NPHP4: variants seen among roughly 807,000 people sequenced by gnomAD.
NPHP4 encodes the protein nephrocystin-4.
In NPHP4, 151 loss-of-function variants were observed where a neutral mutation model predicts 155.8. The ratio of observed to expected loss-of-function variants is 0.97; its 90% CI spans 0.85 to 1.11. The LOEUF (loss-of-function observed/expected upper bound fraction) is 1.11. NPHP4 is among the 50% of genes least tolerant of loss of function. The pLI, the probability that NPHP4 is intolerant of heterozygous loss-of-function variation, is 0.00. For synonymous variants in NPHP4, 845 were observed against 816.8 expected (o/e 1.03, Z -0.59); for missense variants, 1,956 against 1,925.7 (o/e 1.02, Z -0.29).
chr1:5,884,253 C>T (rs1302457296), intron 18 of NPHP4, among the ~76,000 whole-genome samples: 11 of 152,160 alleles, frequency 7.2e-5, no homozygotes, highest in Admixed American at 7.2e-4. Flanking sequence ...TGGACCAAAG[C>T]CCGCCACCGC....
intron 11 of NPHP4, among the ~76,000 whole-genome samples, chr1:5,925,173 T>G (rs1008147932): frequency 1.3e-5 from 2 of 152,190 alleles, no homozygotes; most frequent in Non-Finnish European, 2.9e-5. Flanking sequence ...TCAACCAGCC[T>G]TGGATTGAAA....
intron 11 of NPHP4, 123 bp downstream of exon 11, chr1:5,927,526 A>C (rs1394545734): frequency 9.3e-7 from 1 of 1,076,150 alleles, no homozygotes; most frequent in African/African-American, 1.6e-5. Flanking sequence ...CCATTAATGC[A>C]ATCTACGACG....
chr1:5,954,476 T>C (rs1287905658), intron 6 of NPHP4, among the ~76,000 whole-genome samples: 1 of 152,194 alleles, frequency 6.6e-6, no homozygotes, highest in Non-Finnish European at 1.5e-5. Context: ...TTCTATATTG[T>C]CCCCATCACA....
chr1:5,980,962 A>G lies in NPHP4; in HGVS notation c.136-2549T>C, dbSNP rs560803715. ...CTCCCGCATCCAGACCTGCCCTCTG[A>G]GCCTGCCTCATCTCTCCCCAGAGCA... On this transcript the variant is annotated intron_variant, in intron 2 of 29. Transcript: ENST00000378156. Among the ~76,000 whole-genome samples, 5 of 152,038 alleles carry G rather than the reference A, an allele frequency of 3.3e-5. No homozygotes were observed. In the South Asian group the frequency reaches 1.0e-3, roughly 32 times the overall value.
chr1:5,949,343 T>TACATACACACACACACACACAC (rs1553187009), intron 7 of NPHP4, among the ~76,000 whole-genome samples: 4 of 140,896 alleles, frequency 2.8e-5, no homozygotes, highest in Non-Finnish European at 6.2e-5. Flanking sequence ...TTCACATACA[T>TACATACACACACACACACACAC]ACACACACAC....
At chr1:5,977,090 C>T (rs1653736727) in intron 3 of NPHP4, among the ~76,000 whole-genome samples, 1 of 152,146 alleles carries the variant, frequency 6.6e-6, no homozygotes, top group Non-Finnish European at 1.5e-5. Context: ...CCCTGCTGCA[C>T]ACCCGTCGTG....
rs182681247 is a variant in NPHP4, at chr1:5,939,108, T to C, written c.1120-5779A>G. ...TGGCAAAGCTGCCGCAGGATAAACA[T>C]TGCAGCCACAAGTGCCCCCAGTATT... is the stretch of plus-strand genomic sequence containing the variant. On this transcript the variant is annotated intron_variant, in intron 9 of 29. Coordinates refer to ENST00000378156, the MANE Select transcript of NPHP4 (RefSeq NM_015102.5). Among the ~76,000 whole-genome samples the C allele has an allele frequency of 3.8e-3, 575 of 152,220 alleles. 1 individual carries two copies. The highest frequency in any genetic ancestry group is 0.013 in the African/African-American group (527 of 41,546).
chr1:5,984,905 G>A (rs1429132855), intron 2 of NPHP4, among the ~76,000 whole-genome samples: 6 of 152,228 alleles, frequency 3.9e-5, no homozygotes, highest in South Asian at 2.1e-4. Flanking sequence ...TAAAGCCGTC[G>A]CCCTGGGCAG....
chr1:5,873,564 C>T (rs953038011), intron 22 of NPHP4: 4 of 585,212 alleles, frequency 6.8e-6, no homozygotes, highest in African/African-American at 5.6e-5. Context: ...CTGCCTGAAG[C>T]CAAAGGCCTG....
At chr1:5,976,834 C>T (rs1009262273) in intron 3 of NPHP4, among the ~76,000 whole-genome samples, 1 of 152,130 alleles carries the variant, frequency 6.6e-6, no homozygotes, top group Non-Finnish European at 1.5e-5. Context: ...TGGTGGGGTA[C>T]GGAGAGCAAC....
At chr1:5,901,054 A>C (rs545898964) in intron 16 of NPHP4, among the ~76,000 whole-genome samples, 44 of 152,174 alleles carry the variant, frequency 2.9e-4, no homozygotes, top group Admixed American at 2.2e-3. Flanking sequence ...CCAAAAAAAA[A>C]CAAAAAAGAA....
intron 3 of NPHP4, among the ~76,000 whole-genome samples, chr1:5,977,251 C>G (rs926752744): frequency 6.6e-6 from 1 of 152,028 alleles, no homozygotes; most frequent in African/African-American, 2.4e-5. Flanking sequence ...CCAGAAGGCA[C>G]GACGGGGCCA....
At chr1:5,902,104 G>A (rs1644710662) in intron 16 of NPHP4, among the ~76,000 whole-genome samples, 1 of 152,170 alleles carries the variant, frequency 6.6e-6, no homozygotes, top group Admixed American at 6.5e-5. Context: ...GCCTCTCTCT[G>A]CCCAGCCCCC....
intron 19 of NPHP4, 35 bp downstream of exon 19, chr1:5,880,079 C>T: frequency 6.2e-7 from 1 of 1,611,786 alleles, no homozygotes. Flanking sequence ...CCACTCACGA[C>T]CCACCCACAC....
chr1:5,981,444 A>T (rs1053096870), intron 2 of NPHP4, among the ~76,000 whole-genome samples: 2 of 152,204 alleles, frequency 1.3e-5, no homozygotes, highest in Non-Finnish European at 2.9e-5. Context: ...TCCCAAAATA[A>T]AGAAATATAA....
intron 2 of NPHP4, among the ~76,000 whole-genome samples, chr1:5,981,276 C>T (rs915273862): frequency 7.9e-5 from 12 of 152,190 alleles, no homozygotes; most frequent in African/African-American, 2.7e-4. Flanking sequence ...ACCACCCTCC[C>T]ACCACCTCTA....
chr1:5,964,937 A>ATTTTTTTTTTTTTTTTTTTTTTTT (rs1400602210), intron 5 of NPHP4, among the ~76,000 whole-genome samples: 1 of 54,934 alleles, frequency 1.8e-5, no homozygotes, highest in Non-Finnish European at 3.2e-5. Context: ...ATATATATAT[A>ATTTTTTTTTTTTTTTTTTTTTTTT]TATATTTTTT....
At chr1:5,874,790 G>T in intron 21 of NPHP4, 84 bp downstream of exon 21, 1 of 1,539,600 alleles carries the variant, frequency 6.5e-7, no homozygotes, top group Middle Eastern at 1.8e-4. Flanking sequence ...CTCTCGGGCA[G>T]AATTCGAGCC....
chr1:5,866,504 G>C, intron 25 of NPHP4, 46 bp from the exon 26 acceptor site: 1 of 1,174,568 alleles, frequency 8.5e-7, no homozygotes, highest in Non-Finnish European at 1.3e-6. Context: ...GTGCTCTGCC[G>C]ACCCCAGCCT....
Sources: allele counts gnomAD v4.1 joint callset (sites outside exome capture counted in the v4.1 genomes callset), GRCh38; gene constraint gnomAD v4.1.1; transcripts MANE v1.5; gene names NCBI Gene and HGNC (gene_info 2026-07-23, HGNC 2026-07-21).